HEMK2: variants seen among roughly 807,000 people sequenced by gnomAD.
The protein encoded by HEMK2 is methyltransferase HEMK2.
the HEMK2 span, among the ~76,000 whole-genome samples, chr21:28,805,310 CCCA>C: frequency 6.6e-6 from 1 of 152,108 alleles, no homozygotes; most frequent in Non-Finnish European, 1.5e-5. Flanking sequence ...TGTTTTCCCT[CCCA>C]CCACCCGCCC....
the HEMK2 span, among the ~76,000 whole-genome samples, chr21:28,785,115 C>T: frequency 6.6e-6 from 1 of 152,118 alleles, no homozygotes; most frequent in African/African-American, 2.4e-5. Flanking sequence ...CCAGCAAGAC[C>T]ACGAGCCTGC....
chr21:28,872,052 G>A, the HEMK2 span: 1 of 152,124 alleles, frequency 6.6e-6, no homozygotes, highest in Admixed American at 6.5e-5. Flanking sequence ...AGTTGGACAC[G>A]AATTTTGTTG....
chr21:28,679,479 T>C, the HEMK2 span, among the ~76,000 whole-genome samples: 2 of 152,218 alleles, frequency 1.3e-5, no homozygotes, highest in Non-Finnish European at 2.9e-5. Flanking sequence ...CTGTCAACAT[T>C]AGACAGATCA....
chr21:28,823,628 C>T, the HEMK2 span, among the ~76,000 whole-genome samples: 1 of 152,108 alleles, frequency 6.6e-6, no homozygotes, highest in African/African-American at 2.4e-5. Context: ...GATCTGAGCA[C>T]TATAGAGATG....
At chr21:28,885,367 C>CGCGTGCGCAGG in the HEMK2 span, 47 of 1,527,406 alleles carry the variant, frequency 3.1e-5, no homozygotes, top group Admixed American at 5.9e-5. Flanking sequence ...GCGTTCCATG[C>CGCGTGCGCAGG]GCGTGCGCAG....
the HEMK2 span, among the ~76,000 whole-genome samples, chr21:28,719,111 C>A: frequency 2.6e-5 from 4 of 152,158 alleles, no homozygotes; most frequent in Admixed American, 2.0e-4. Context: ...TCTATGCCTT[C>A]TTTTATGGGC....
chr21:28,579,139 T>TAGAAAATG, the HEMK2 span, among the ~76,000 whole-genome samples: 1 of 152,174 alleles, frequency 6.6e-6, no homozygotes, highest in Non-Finnish European at 1.5e-5. Context: ...GTAATGCAAG[T>TAGAAAATG]GATTTTTGAC....
At chr21:28,587,422 G>A in the HEMK2 span, among the ~76,000 whole-genome samples, 1 of 152,124 alleles carries the variant, frequency 6.6e-6, no homozygotes, top group Non-Finnish European at 1.5e-5. Context: ...AAATAGATTA[G>A]TTCATTGATC....
the HEMK2 span, among the ~76,000 whole-genome samples, chr21:28,776,230 T>C: frequency 1.4e-4 from 22 of 152,308 alleles, no homozygotes; most frequent in East Asian, 7.7e-4. Flanking sequence ...TTCTCAAAAC[T>C]TGAAGCATGA....
At chr21:28,720,830 G>A in the HEMK2 span, among the ~76,000 whole-genome samples, 2 of 152,196 alleles carry the variant, frequency 1.3e-5, no homozygotes, top group Admixed American at 1.3e-4. Flanking sequence ...CACTCAACTG[G>A]AGCTGGAGAA....
the HEMK2 span, among the ~76,000 whole-genome samples, chr21:28,695,296 T>C: frequency 1.3e-5 from 2 of 152,168 alleles, no homozygotes; most frequent in Non-Finnish European, 2.9e-5. Context: ...GATCCCCATG[T>C]TGAAGATGGG....
At chr21:28,797,565 A>G in the HEMK2 span, among the ~76,000 whole-genome samples, 40 of 152,088 alleles carry the variant, frequency 2.6e-4, no homozygotes, top group African/African-American at 8.4e-4. Context: ...CAGTGAGTGG[A>G]CATCGTGCCA....
At chr21:28,882,431 C>T in the HEMK2 span, among the ~76,000 whole-genome samples, 1,073 of 152,028 alleles carry the variant, frequency 7.1e-3, 9 homozygotes, top group African/African-American at 0.025. Flanking sequence ...ATGAAAAAGA[C>T]TGTTATATTG....
the HEMK2 span, among the ~76,000 whole-genome samples, chr21:28,713,924 T>C: frequency 6.6e-6 from 1 of 152,236 alleles, no homozygotes; most frequent in Non-Finnish European, 1.5e-5. Flanking sequence ...TACGCATATA[T>C]AGCTAAGAAA....
the HEMK2 span, among the ~76,000 whole-genome samples, chr21:28,712,083 C>T: frequency 2.0e-5 from 3 of 152,164 alleles, no homozygotes; most frequent in Admixed American, 6.5e-5. Flanking sequence ...AGGACACAAA[C>T]TTTGAGTCCA....
At chr21:28,682,448 T>C in the HEMK2 span, among the ~76,000 whole-genome samples, 10 of 150,674 alleles carry the variant, frequency 6.6e-5, no homozygotes, top group Non-Finnish European at 1.5e-4. Flanking sequence ...TTTTACACTG[T>C]TGGTGGGACT....
chr21:28,590,014 C>G, the HEMK2 span, among the ~76,000 whole-genome samples: 1 of 152,286 alleles, frequency 6.6e-6, no homozygotes, highest in East Asian at 1.9e-4. Flanking sequence ...CATGCAAACA[C>G]GCCCACAAAA....
the HEMK2 span, among the ~76,000 whole-genome samples, chr21:28,620,197 G>A: frequency 7.9e-5 from 12 of 152,200 alleles, 1 homozygote; most frequent in South Asian, 1.9e-3. Flanking sequence ...TTTTCGCATC[G>A]ATGTTCATCA....
the HEMK2 span, among the ~76,000 whole-genome samples, chr21:28,725,453 A>G: frequency 1.3e-5 from 2 of 152,180 alleles, no homozygotes; most frequent in Non-Finnish European, 1.5e-5. Context: ...CAGACAACTG[A>G]GCTGCAAACT....
Sources: gnomAD v4.1 joint callset for allele counts (sites outside exome capture counted in the v4.1 genomes callset) on GRCh38, gnomAD v4.1.1 for gene constraint, MANE v1.5 for transcripts, NCBI Gene and HGNC (gene_info 2026-07-23, HGNC 2026-07-21) for gene names.